STX12: variants seen among roughly 807,000 people sequenced by gnomAD.
STX12 encodes syntaxin-12.
Under a neutral mutation model 42.2 loss-of-function variants are expected in STX12, and 17 were observed. That is an observed-to-expected ratio of 0.40 (90% CI 0.28 to 0.60). The LOEUF is 0.60. STX12 is among the 20% of genes least tolerant of loss of function. The pLI, the probability that STX12 is intolerant of heterozygous loss-of-function variation, is 0.39. For synonymous variants in STX12, 108 were observed against 116.7 expected (o/e 0.93, Z 0.48); for missense variants, 297 against 330.9 (o/e 0.90, Z 0.79).
At chr1:27,777,167 A>G (rs1396123777) in intron 1 of STX12, among the ~76,000 whole-genome samples, 1 of 152,168 alleles carries the variant, frequency 6.6e-6, no homozygotes, top group Non-Finnish European at 1.5e-5. Context: ...ATGAAGAAAA[A>G]GCAGGGTAAG....
At chr1:27,822,175 C>T (rs2088989223) in intron 8 of STX12, 56 bp from the exon 9 acceptor site, 1 of 1,048,326 alleles carries the variant, frequency 9.5e-7, no homozygotes, top group Admixed American at 1.7e-5. Flanking sequence ...TAGAGTCTTA[C>T]ACATACAAAT....
chr1:27,801,234 A>G (rs2088825571), intron 3 of STX12, among the ~76,000 whole-genome samples: 1 of 152,100 alleles, frequency 6.6e-6, no homozygotes, highest in Admixed American at 6.6e-5. Context: ...CCCCATCTGT[A>G]CTAAAAATAC....
chr1:27,819,000 G>C (rs956118949), intron 7 of STX12, among the ~76,000 whole-genome samples: 45 of 152,154 alleles, frequency 3.0e-4, no homozygotes, highest in Middle Eastern at 6.8e-3. Context: ...AATAGGCTGG[G>C]CATGGTTGCT....
At chr1:27,782,776 C>T (rs1031464017) in intron 1 of STX12, among the ~76,000 whole-genome samples, 4 of 152,182 alleles carry the variant, frequency 2.6e-5, no homozygotes, top group Non-Finnish European at 4.4e-5. Context: ...GTGGAGGTTG[C>T]AGTGAGCTGA....
intron 5 of STX12, 46 bp from the exon 6 acceptor site, chr1:27,812,117 A>T (rs1476591015): frequency 6.8e-7 from 1 of 1,465,760 alleles, no homozygotes; most frequent in Non-Finnish European, 9.4e-7. Flanking sequence ...ATGTCTTGTT[A>T]TGCCTTTGAG....
intron 4 of STX12, chr1:27,809,796 A>C (rs536008929): frequency 6.5e-6 from 1 of 154,120 alleles, no homozygotes; most frequent in Non-Finnish European, 1.4e-5. Flanking sequence ...AGTAAAAATC[A>C]AAAAAACCTT....
intron 4 of STX12, among the ~76,000 whole-genome samples, chr1:27,806,711 AC>A (rs777902719): frequency 9.2e-5 from 14 of 152,220 alleles, no homozygotes; most frequent in African/African-American, 3.1e-4. Context: ...CTATAAAGAT[AC>A]TACCTGAGAC....
At chr1:27,814,619 C>T (rs565474374) in intron 6 of STX12, among the ~76,000 whole-genome samples, 2 of 152,142 alleles carry the variant, frequency 1.3e-5, no homozygotes, top group East Asian at 3.9e-4. Context: ...GAGGCTGAGG[C>T]GAGTGGCTCA....
chr1:27,773,288 G>T lies in STX12; in HGVS notation c.-20G>T. 6.5e-7 allele frequency: 1 copy of T among 1,531,290 alleles called. No homozygotes were observed. The highest frequency in any genetic ancestry group is 1.1e-5 in the South Asian group (1 of 87,560). The allele number at this position is 1,531,290 out of a possible 1,614,324, so 94.9% of individuals were successfully genotyped here. A position where few individuals can be genotyped will look rare whatever the true frequency, so the allele number is the denominator to read the frequency against. On this transcript the variant is annotated 5_prime_UTR_variant, in exon 1 of 9. Transcript: ENST00000373943. ...CCGGTAGGAGAGCGGTGTAGAGCGAGCAGGTCTCAGCTCCTCGTCATGTCA... is the reference window on the plus strand; with the variant it reads ...CCGGTAGGAGAGCGGTGTAGAGCGATCAGGTCTCAGCTCCTCGTCATGTCA...
chr1:27,799,660 T>C (rs2088813918), intron 3 of STX12, among the ~76,000 whole-genome samples: 1 of 151,986 alleles, frequency 6.6e-6, no homozygotes, highest in Admixed American at 6.6e-5. Flanking sequence ...ATTTTTTGTA[T>C]TTTTAGTAGA....
chr1:27,807,387 A>G (rs971222701), intron 4 of STX12, among the ~76,000 whole-genome samples: 4 of 152,124 alleles, frequency 2.6e-5, no homozygotes, highest in African/African-American at 9.7e-5. Flanking sequence ...TCCTGTTGAT[A>G]TTTACACTCA....
At chr1:27,791,912 A>C (rs998370991) in intron 2 of STX12, among the ~76,000 whole-genome samples, 2 of 151,000 alleles carry the variant, frequency 1.3e-5, no homozygotes, top group Non-Finnish European at 2.9e-5. Context: ...TGAACCCGGG[A>C]GGCGAAGGTT....
chr1:27,793,509 T>C, intron 2 of STX12, 24 bp from the exon 3 acceptor site: 1 of 1,603,588 alleles, frequency 6.2e-7, no homozygotes, highest in Non-Finnish European at 8.5e-7. Context: ...GACAACATCC[T>C]GAAACATATC....
chr1:27,792,145 T>C (rs1328235305), intron 2 of STX12, among the ~76,000 whole-genome samples: 3 of 103,180 alleles, frequency 2.9e-5, no homozygotes, highest in Non-Finnish European at 4.9e-5. Context: ...TGTATATATC[T>C]ATATATGTGT....
chr1:27,789,632 G>A lies in STX12; in HGVS notation c.188+1G>A. On this transcript the variant is annotated splice_donor_variant, in intron 2 of 8. Coordinates refer to ENST00000373943, the MANE Select transcript of STX12 (RefSeq NM_177424.3). LOFTEE classifies it high-confidence loss of function. ...ACTCAAGCAAGCTACAGGAAAATCT[G>A]TGAGTAACTTCCTGACAAGGTTGGG... is the stretch of plus-strand genomic sequence containing the variant. 3.7e-6 allele frequency: 6 copies of A among 1,612,496 alleles called. No individual in the cohort carries two copies. Among genetic ancestry groups the A allele is most frequent in the Non-Finnish European group, 5.1e-6 (6 of 1,178,912 alleles).
chr1:27,784,404 A>C (rs765426642), intron 1 of STX12, among the ~76,000 whole-genome samples: 1 of 152,058 alleles, frequency 6.6e-6, no homozygotes, highest in Non-Finnish European at 1.5e-5. Context: ...AATTTTTTGT[A>C]GAGGCAGTTT....
At chr1:27,793,679 A>G (rs757498294) in intron 3 of STX12, 47 bp downstream of exon 3, 2 of 1,510,990 alleles carry the variant, frequency 1.3e-6, no homozygotes, top group Middle Eastern at 1.7e-4. Context: ...ACTTTGTGTT[A>G]GTAGAAAGGC....
In STX12 at chr1:27,822,342, G is replaced by C. The variant is rs745502060; in HGVS notation, c.*13G>C. 1 of 1,551,936 alleles carries C rather than the reference G, an allele frequency of 6.4e-7. No homozygotes were observed. Among genetic ancestry groups the C allele is most frequent in the Non-Finnish European group, 8.9e-7 (1 of 1,123,492 alleles). On this transcript the variant is annotated 3_prime_UTR_variant, in exon 9 of 9. Coordinates refer to ENST00000373943, the MANE Select transcript of STX12 (RefSeq NM_177424.3). ...TAAAACGAAGTGATTGCCTCCGATC[G>C]TTCTCCCGCTGAGCTGTTTTCAAGG...
At chr1:27,784,041 A>G (rs1022555230) in intron 1 of STX12, among the ~76,000 whole-genome samples, 1 of 151,968 alleles carries the variant, frequency 6.6e-6, no homozygotes, top group Non-Finnish European at 1.5e-5. Context: ...TTAGCCGGGC[A>G]TGGTGGCACA....
Sources: gnomAD v4.1 joint callset for allele counts (sites outside exome capture counted in the v4.1 genomes callset) on GRCh38, gnomAD v4.1.1 for gene constraint, MANE v1.5 for transcripts, NCBI Gene and HGNC (gene_info 2026-07-23, HGNC 2026-07-21) for gene names.